The following COL14A1 variants were observed in gnomAD, a reference collection of about 807,000 sequenced individuals.
COL14A1 encodes collagen alpha-1(XIV) chain.
Under a neutral mutation model 230.3 loss-of-function variants are expected in COL14A1, and 136 were observed. The ratio of observed to expected loss-of-function variants is 0.59; its 90% CI spans 0.51 to 0.68. COL14A1 has a LOEUF of 0.68. COL14A1 is among the 30% of genes least tolerant of loss of function. The probability of loss-of-function intolerance (pLI) is 0.00; values close to 1 mark genes in which losing one functional copy is unlikely to be tolerated. For missense variants in COL14A1, 1,976 were observed against 2,215.8 expected (o/e 0.89, Z 2.17); for synonymous variants, 792 against 784.1 (o/e 1.01, Z -0.17).
chr8:120,330,008 A>G lies in COL14A1; in HGVS notation c.4660-2133A>G, dbSNP rs976955203. ...TCTCATCTTCAACATTTGGCCTTTA[A>G]GATTGCTCCAGAGTGAGAAAATAAA... On this transcript the variant is annotated intron_variant, in intron 40 of 47. Transcript: ENST00000297848. 6.6e-5 allele frequency among the ~76,000 whole-genome samples: 10 copies of G among 152,118 alleles called. No homozygotes were observed. The South Asian group carries it at 2.1e-3, about 32-fold the overall frequency.
intron 24 of COL14A1, 36 bp downstream of exon 24, chr8:120,263,050 C>T: frequency 4.6e-6 from 7 of 1,527,062 alleles, no homozygotes; most frequent in Non-Finnish European, 6.1e-6. Context: ...TCCCTCTCCC[C>T]ATGAACAAAC....
At chr8:120,231,384 G>A (rs1586787653) in intron 18 of COL14A1, 83 bp from the exon 19 acceptor site, 11 of 1,424,036 alleles carry the variant, frequency 7.7e-6, no homozygotes, top group East Asian at 2.3e-5. Context: ...GATGCTTGCT[G>A]TCACCCCACA....
intron 1 of COL14A1, among the ~76,000 whole-genome samples, chr8:120,134,617 C>A (rs73317779): frequency 5.3e-5 from 8 of 151,926 alleles, no homozygotes; most frequent in South Asian, 2.1e-4. Context: ...TATTGGGCAA[C>A]GTGTTTTATC....
At chr8:120,270,612 C>G (rs149833457) in intron 26 of COL14A1, among the ~76,000 whole-genome samples, 1,540 of 151,814 alleles carry the variant, frequency 0.01, 8 homozygotes, top group Admixed American at 0.017. Context: ...ATGTACTATA[C>G]TGTCATAATG....
At chr8:120,241,630 TG>T (rs1400708217) in intron 19 of COL14A1, among the ~76,000 whole-genome samples, 1 of 151,708 alleles carries the variant, frequency 6.6e-6, no homozygotes, top group Admixed American at 6.6e-5. Flanking sequence ...TTTTTTACTT[TG>T]CTTTGTCTAA....
intron 26 of COL14A1, among the ~76,000 whole-genome samples, chr8:120,275,006 T>G (rs1474466755): frequency 6.6e-6 from 1 of 151,694 alleles, no homozygotes; most frequent in Non-Finnish European, 1.5e-5. Flanking sequence ...GAAATTCATA[T>G]GGAACCCAAA....
At chr8:120,321,965 A>T (rs1425724045) in intron 40 of COL14A1, among the ~76,000 whole-genome samples, 2 of 152,012 alleles carry the variant, frequency 1.3e-5, no homozygotes, top group Non-Finnish European at 2.9e-5. Flanking sequence ...ATTGTGTGAG[A>T]CCTACTGATG....
In COL14A1 at chr8:120,309,936, TA is replaced by T. The variant is rs1199340475; in HGVS notation, c.4402-72del. ...AAAATAATAATGAGTTAATTCATAC[TA>T]TTAAGGAAAATGAATGAAATACACT... On this transcript the variant is annotated intron_variant, in intron 36 of 47. Coordinates refer to ENST00000297848, the MANE Select transcript of COL14A1 (RefSeq NM_021110.4). The T allele has an allele frequency of 3.5e-6, 5 of 1,417,106 alleles. No individual in the cohort carries two copies. In the Admixed American group the frequency reaches 8.5e-5, roughly 24 times the overall value. 87.8% of individuals were successfully genotyped at this position (1,417,106 alleles called of 1,614,324 possible).
chr8:120,225,605 A>G (rs1439472073), intron 15 of COL14A1, among the ~76,000 whole-genome samples: 1 of 152,198 alleles, frequency 6.6e-6, no homozygotes, highest in Non-Finnish European at 1.5e-5. Flanking sequence ...CACAAAAATG[A>G]CAGTCTCATA....
chr8:120,366,679 C>T (rs1263440300), intron 45 of COL14A1, among the ~76,000 whole-genome samples: 2 of 152,214 alleles, frequency 1.3e-5, no homozygotes, highest in Non-Finnish European at 2.9e-5. Context: ...AAATCAAACA[C>T]AGGCTTTTCT....
intron 36 of COL14A1, among the ~76,000 whole-genome samples, chr8:120,309,565 T>C (rs1421276864): frequency 2.6e-5 from 4 of 152,168 alleles, no homozygotes; most frequent in Non-Finnish European, 4.4e-5. Flanking sequence ...ATGAAACTAA[T>C]TGTCCTTTTG....
At chr8:120,160,162 A>G (rs1188489664) in intron 3 of COL14A1, among the ~76,000 whole-genome samples, 7 of 152,176 alleles carry the variant, frequency 4.6e-5, no homozygotes, top group Non-Finnish European at 1.0e-4. Flanking sequence ...TGACTCAGTT[A>G]TGAAATTTCT....
intron 46 of COL14A1, among the ~76,000 whole-genome samples, chr8:120,367,893 G>A (rs1026653107): frequency 2.0e-5 from 3 of 151,236 alleles, no homozygotes; most frequent in East Asian, 1.9e-4. Context: ...ACAGTGAACC[G>A]TGATGGTGCC....
At chr8:120,200,495 G>A (rs1817201491) in intron 8 of COL14A1, among the ~76,000 whole-genome samples, 2 of 151,250 alleles carry the variant, frequency 1.3e-5, no homozygotes, top group Admixed American at 1.3e-4. Flanking sequence ...GTGGGTGCTG[G>A]CATAAAAACT....
At chr8:120,290,586 C>T (rs1395765136) in intron 34 of COL14A1, among the ~76,000 whole-genome samples, 2 of 152,206 alleles carry the variant, frequency 1.3e-5, no homozygotes, top group African/African-American at 2.4e-5. Flanking sequence ...TATTGTCTCC[C>T]ACTTTCATAG....
At chr8:120,323,953 A>C (rs2130165876) in intron 40 of COL14A1, among the ~76,000 whole-genome samples, 1 of 152,328 alleles carries the variant, frequency 6.6e-6, no homozygotes, top group Non-Finnish European at 1.5e-5. Flanking sequence ...CATTATCCTG[A>C]GGAAACTAAC....
chr8:120,282,510 T>C (rs552049154), intron 31 of COL14A1, among the ~76,000 whole-genome samples: 21 of 152,348 alleles, frequency 1.4e-4, no homozygotes, highest in African/African-American at 4.8e-4. Context: ...GTCTGGCATA[T>C]AGTTGGCACT....
chr8:120,244,062 T>C, intron 20 of COL14A1, 54 bp downstream of exon 20: 1 of 1,584,308 alleles, frequency 6.3e-7, no homozygotes, highest in Non-Finnish European at 8.6e-7. Flanking sequence ...ATGGAAATGC[T>C]TGTCCCCTGT....
chr8:120,331,034 G>C (rs1477659466), intron 40 of COL14A1, among the ~76,000 whole-genome samples: 1 of 151,618 alleles, frequency 6.6e-6, no homozygotes, highest in Admixed American at 6.6e-5. Flanking sequence ...GAACCTGGGA[G>C]GGGGAAGTTG....
Sources: gnomAD v4.1 joint callset for allele counts (sites outside exome capture counted in the v4.1 genomes callset) on GRCh38, gnomAD v4.1.1 for gene constraint, MANE v1.5 for transcripts, NCBI Gene and HGNC (gene_info 2026-07-23, HGNC 2026-07-21) for gene names.